ZFPM2: variants seen among roughly 807,000 people sequenced by gnomAD.
ZFPM2 encodes zinc finger protein ZFPM2.
ZFPM2 carries 20 observed loss-of-function variants against 98.6 expected under a neutral mutation model. The observed-to-expected ratio is 0.20, with a 90% confidence interval of 0.14 to 0.29. The LOEUF (loss-of-function observed/expected upper bound fraction) is 0.29. Ranked by LOEUF, ZFPM2 falls within the 10% of genes least tolerant of loss-of-function variation. The pLI, the probability that ZFPM2 is intolerant of heterozygous loss-of-function variation, is 1.00. For missense variants in ZFPM2, 1,310 were observed against 1,388.6 expected (o/e 0.94, Z 0.90); for synonymous variants, 518 against 502.7 (o/e 1.03, Z -0.41).
chr8:105,486,008 G>A (rs1813224108), intron 3 of ZFPM2, among the ~76,000 whole-genome samples: 3 of 152,112 alleles, frequency 2.0e-5, no homozygotes, highest in Admixed American at 6.5e-5. Context: ...TATCACCTGA[G>A]CTTTGGATGA....
intron 3 of ZFPM2, among the ~76,000 whole-genome samples, chr8:105,545,394 T>G (rs1446523951): frequency 6.6e-6 from 1 of 152,150 alleles, no homozygotes; most frequent in Non-Finnish European, 1.5e-5. Context: ...ACTGTTGCTC[T>G]TCCTTAATCT....
At chr8:105,628,373 A>G (rs1233749045) in intron 4 of ZFPM2, among the ~76,000 whole-genome samples, 2 of 152,210 alleles carry the variant, frequency 1.3e-5, no homozygotes, top group African/African-American at 4.8e-5. Flanking sequence ...TAAAGCAAGA[A>G]CACAGTATCT....
At chr8:105,517,243 A>G (rs1813943754) in intron 3 of ZFPM2, among the ~76,000 whole-genome samples, 1 of 152,186 alleles carries the variant, frequency 6.6e-6, no homozygotes, top group African/African-American at 2.4e-5. Flanking sequence ...AAATATCTTA[A>G]TGGAGACATT....
At chr8:105,320,886 T>C (rs1812012149) in intron 1 of ZFPM2, among the ~76,000 whole-genome samples, 1 of 152,222 alleles carries the variant, frequency 6.6e-6, no homozygotes, top group South Asian at 2.1e-4. Context: ...TTGAAAGTTA[T>C]TTCATTTGAA....
intron 5 of ZFPM2, among the ~76,000 whole-genome samples, chr8:105,721,302 A>G (rs1206202774): frequency 1.3e-5 from 2 of 151,968 alleles, no homozygotes; most frequent in Non-Finnish European, 2.9e-5. Context: ...GGGCAACTGT[A>G]CTTTCCACTG....
chr8:105,423,109 A>G (rs1380352207), intron 2 of ZFPM2, among the ~76,000 whole-genome samples: 4 of 152,174 alleles, frequency 2.6e-5, no homozygotes, highest in Non-Finnish European at 5.9e-5. Flanking sequence ...TCTAGTTATT[A>G]TAAACCATGT....
intron 6 of ZFPM2, among the ~76,000 whole-genome samples, chr8:105,795,245 TTTGTGTGTG>T (rs1813758820): frequency 7.4e-6 from 1 of 134,508 alleles, no homozygotes; most frequent in Non-Finnish European, 1.6e-5. Flanking sequence ...TCATTTTATC[TTTGTGTGTG>T]TGTGTGTGTG....
intron 3 of ZFPM2, among the ~76,000 whole-genome samples, chr8:105,498,911 C>G (rs926786823): frequency 5.9e-5 from 9 of 152,094 alleles, no homozygotes; most frequent in Non-Finnish European, 1.3e-4. Context: ...AGCTGCATCA[C>G]CATAATAAGA....
At chr8:105,642,492 C>A (rs1816965991) in intron 5 of ZFPM2, among the ~76,000 whole-genome samples, 1 of 152,026 alleles carries the variant, frequency 6.6e-6, no homozygotes, top group African/African-American at 2.4e-5. Flanking sequence ...TTTACACAAC[C>A]CAACTAAAAC....
chr8:105,706,615 TG>T (rs1811269689), intron 5 of ZFPM2, among the ~76,000 whole-genome samples: 1 of 152,106 alleles, frequency 6.6e-6, no homozygotes, highest in African/African-American at 2.4e-5. Flanking sequence ...AGAGTCTCAC[TG>T]TCACTCAGGC....
chr8:105,745,717 G>A (rs1812327241), intron 5 of ZFPM2, among the ~76,000 whole-genome samples: 1 of 152,102 alleles, frequency 6.6e-6, no homozygotes, highest in Non-Finnish European at 1.5e-5. Flanking sequence ...ATGCACAGGA[G>A]AATGGCAGTT....
At chr8:105,685,866 A>G (rs372328926) in intron 5 of ZFPM2, 8 of 152,238 alleles carry the variant, frequency 5.3e-5, no homozygotes, top group African/African-American at 1.9e-4. Context: ...TAGACAAACT[A>G]AAATTCAGAC....
chr8:105,417,838 G>A (rs982458658), intron 1 of ZFPM2, among the ~76,000 whole-genome samples: 2 of 152,034 alleles, frequency 1.3e-5, no homozygotes, highest in Non-Finnish European at 2.9e-5. Flanking sequence ...GTTGGAATTA[G>A]GGCATCCTTT....
chr8:105,638,742 A>T lies in ZFPM2; in HGVS notation c.532+4385A>T, dbSNP rs1291058524. 3.9e-5 allele frequency among the ~76,000 whole-genome samples: 6 copies of T among 152,122 alleles called. No homozygotes were observed. The East Asian group carries it at 1.2e-3, about 29-fold the overall frequency. ...CCTAAAGTGTTCCTAAATGTAGGCTAGTAACAAAATTAAATATGACTATAA... is the reference window on the plus strand; with the variant it reads ...CCTAAAGTGTTCCTAAATGTAGGCTTGTAACAAAATTAAATATGACTATAA... On this transcript the variant is annotated intron_variant, in intron 5 of 7. Transcript: ENST00000407775.
At chr8:105,542,057 A>C (rs117116785) in intron 3 of ZFPM2, among the ~76,000 whole-genome samples, 3,500 of 152,282 alleles carry the variant, frequency 0.023, 65 homozygotes, top group Middle Eastern at 0.037. Context: ...CAGGCTCAGC[A>C]GAAATAAAAC....
intron 4 of ZFPM2, among the ~76,000 whole-genome samples, chr8:105,601,411 A>G (rs1816089566): frequency 6.6e-6 from 1 of 152,062 alleles, no homozygotes; most frequent in Non-Finnish European, 1.5e-5. Flanking sequence ...CTGGATTTGG[A>G]CATGTCTATT....
chr8:105,791,977 CTCTT>C (rs1026475359), intron 6 of ZFPM2, among the ~76,000 whole-genome samples: 3 of 152,196 alleles, frequency 2.0e-5, no homozygotes, highest in East Asian at 1.9e-4. Flanking sequence ...TGATTCTTCT[CTCTT>C]TTTTTCTTTA....
chr8:105,501,373 G>A (rs1360152378), intron 3 of ZFPM2, among the ~76,000 whole-genome samples: 10 of 151,824 alleles, frequency 6.6e-5, no homozygotes, highest in African/African-American at 2.2e-4. Context: ...TTAGTAGAGA[G>A]GGGGTTTCAC....
At chr8:105,747,550 A>G (rs557860682) in intron 5 of ZFPM2, among the ~76,000 whole-genome samples, 2 of 152,180 alleles carry the variant, frequency 1.3e-5, no homozygotes, top group Non-Finnish European at 2.9e-5. Flanking sequence ...ACAGGAAAAC[A>G]CACTAGCTGA....
Sources: gnomAD v4.1 joint callset for allele counts (sites outside exome capture counted in the v4.1 genomes callset) on GRCh38, gnomAD v4.1.1 for gene constraint, MANE v1.5 for transcripts, NCBI Gene and HGNC (gene_info 2026-07-23, HGNC 2026-07-21) for gene names.